Variants in CENPI observed in about 807,000 individuals in gnomAD.
CENPI encodes the protein centromere protein I.
CENPI carries 4 observed loss-of-function variants against 60.4 expected under a neutral mutation model. The observed-to-expected ratio is 0.07, with a 90% CI of 0.03 to 0.15. CENPI has a LOEUF of 0.15. Among genes scored for constraint, CENPI ranks in the 10% least tolerant of loss-of-function variants. CENPI has a pLI of 1.00. For missense variants in CENPI, 444 were observed against 534.5 expected, an observed-to-expected ratio of 0.83 and a Z score of 1.67; for synonymous variants, 157 against 189.4, an observed-to-expected ratio of 0.83 and a Z score of 1.40.
intron 4 of CENPI, 105 bp downstream of exon 4, chrX:101,102,516 C>CACACACACACACACACACACACACACAT (rs778560144): frequency 5.2e-5 from 11 of 210,670 alleles, no homozygotes; most frequent in Non-Finnish European, 8.1e-5. Context: ...CACACACACA[C>CACACACACACACACACACACACACACAT]ATATATATAT....
intron 10 of CENPI, 105 bp from the exon 11 acceptor site, chrX:101,127,393 C>A (rs775940977): frequency 2.1e-6 from 2 of 949,694 alleles, no homozygotes; most frequent in Non-Finnish European, 1.4e-6. Flanking sequence ...TCTGTGTAAG[C>A]CATATTCAGA....
chrX:101,140,047 A>T (rs1377707772), intron 15 of CENPI, among the ~76,000 whole-genome samples: 1 of 110,910 alleles, frequency 9.0e-6, no homozygotes, highest in Non-Finnish European at 1.9e-5. Flanking sequence ...CGCGTTAGCC[A>T]GGATGGTCTC....
intron 8 of CENPI, among the ~76,000 whole-genome samples, chrX:101,123,482 C>T (rs1008097490): frequency 4.5e-5 from 5 of 112,003 alleles, no homozygotes; most frequent in Admixed American, 3.8e-4. Context: ...TGTGTGTATG[C>T]ACTTTGGGCT....
chrX:101,126,318 A>G (rs1180186238), intron 8 of CENPI, among the ~76,000 whole-genome samples: 1 of 112,258 alleles, frequency 8.9e-6, no homozygotes, highest in African/African-American at 3.2e-5. Flanking sequence ...ATAATCAGGT[A>G]TTAGCTTCTC....
intron 15 of CENPI, among the ~76,000 whole-genome samples, chrX:101,132,976 C>T (rs2089810677): frequency 9.0e-6 from 1 of 110,845 alleles, no homozygotes; most frequent in South Asian, 3.8e-4. Flanking sequence ...TCCAAGAAGA[C>T]CAATATGGCT....
intron 13 of CENPI, among the ~76,000 whole-genome samples, chrX:101,130,705 A>G (rs2089787302): frequency 8.9e-6 from 1 of 112,256 alleles, no homozygotes; most frequent in South Asian, 3.7e-4. Flanking sequence ...ACAATCAACA[A>G]ACATTTTTTG....
the CENPI span, among the ~76,000 whole-genome samples, chrX:101,171,816 A>G: frequency 2.7e-5 from 3 of 112,082 alleles, no homozygotes; most frequent in African/African-American, 9.7e-5. Context: ...TATGGCAGCA[A>G]AGGCATACAT....
Position 101,164,020 on chromosome X carries a change from CA to C in CENPI, c.*1070del, listed in dbSNP as rs35365475. ...ACTGCACTCCAGCGAGACTCTGTCT[CA>C]AAAAAAAAAAAAAAAATTACCTCAA... On this transcript the variant is annotated 3_prime_UTR_variant, in exon 22 of 22. Transcript: ENST00000682095. 0.39 allele frequency among the ~76,000 whole-genome samples: 34,132 copies of C among 87,421 alleles called. 5,408 individuals are homozygous for C. Among genetic ancestry groups the C allele is most frequent in the African/African-American group, 0.52 (12,662 of 24,225 alleles). 75.9% of individuals were successfully genotyped at this position (87,421 alleles called of 115,157 possible). A position where few individuals can be genotyped will look rare whatever the true frequency, so the allele number is the denominator to read the frequency against.
At position 101,121,199 on chromosome X, in the gene CENPI, C is replaced by T. The variant is rs917088134; in HGVS notation, c.687+415C>T. ...CCTATCACTCATTATCTTTAAGGAA[C>T]TTATTTTCTGGGGAGCTCAGTGAAC... On this transcript the variant is annotated intron_variant, in intron 8 of 21. Coordinates refer to ENST00000682095, the MANE Select transcript of CENPI (RefSeq NM_001386188.2). Among the ~76,000 whole-genome samples, 24 of 111,275 alleles carry T rather than the reference C, an allele frequency of 2.2e-4. 1 individual carries two copies. Among genetic ancestry groups the T allele is most frequent in the African/African-American group, 7.8e-4 (24 of 30,594 alleles).
At chrX:101,149,546 G>A (rs1248853327) in intron 20 of CENPI, among the ~76,000 whole-genome samples, 2 of 101,960 alleles carry the variant, frequency 2.0e-5, no homozygotes, top group African/African-American at 3.6e-5. Flanking sequence ...TCGCTCTGTC[G>A]CCCAGGCTAG....
At chrX:101,174,965 G>A in the CENPI span, among the ~76,000 whole-genome samples, 1 of 110,689 alleles carries the variant, frequency 9.0e-6, no homozygotes, top group Non-Finnish European at 1.9e-5. Context: ...AAGTTAGCCG[G>A]GCATGGTGGC....
At position 101,102,492 on chromosome X, in the gene CENPI, T is replaced by TACACACACAC. The variant is rs199742109; in HGVS notation, c.364+82_364+83insCACACACACA. ...TTCTTTTAAAAATAAATCTTATATA[T>TACACACACAC]ATATACACACACACACACACACACA... On this transcript the variant is annotated intron_variant, in intron 4 of 21. Coordinates refer to ENST00000682095, the MANE Select transcript of CENPI (RefSeq NM_001386188.2). 1.3e-3 allele frequency: 383 copies of TACACACACAC among 301,242 alleles called. 6 individuals carry two copies. The highest frequency in any genetic ancestry group is 0.011 in the African/African-American group (291 of 25,829). 24.8% of individuals were successfully genotyped at this position (301,242 alleles called of 1,213,427 possible).
chrX:101,179,767 G>A, the CENPI span, among the ~76,000 whole-genome samples: 1 of 112,310 alleles, frequency 8.9e-6, no homozygotes, highest in Non-Finnish European at 1.9e-5. Context: ...TGATCTGCCC[G>A]CCTCGGCCTC....
In CENPI at chrX:101,119,826, A is replaced by C. The variant is rs190669719; in HGVS notation, c.592-576A>C. On this transcript the variant is annotated intron_variant, in intron 6 of 21. Coordinates refer to ENST00000682095, the MANE Select transcript of CENPI (RefSeq NM_001386188.2). ...AAACAACATGGGAAAATGGTTTTAA[A>C]TAGGAAATCAGGATAAAAGTTTCAA... Among the ~76,000 whole-genome samples the C allele has an allele frequency of 2.6e-3, 288 of 111,947 alleles. 5 individuals carry two copies. The highest frequency in any genetic ancestry group is 8.7e-3 in the African/African-American group (269 of 30,834).
intron 11 of CENPI, 86 bp from the exon 12 acceptor site, chrX:101,128,630 T>C: frequency 9.9e-7 from 1 of 1,011,836 alleles, no homozygotes; most frequent in Non-Finnish European, 1.4e-6. Flanking sequence ...ATGCCCAGCC[T>C]ATTTTTGTTA....
At chrX:101,160,095 C>A (rs965510398) in intron 20 of CENPI, among the ~76,000 whole-genome samples, 14 of 112,151 alleles carry the variant, frequency 1.2e-4, no homozygotes, top group Non-Finnish European at 1.9e-4. Flanking sequence ...TCGTTGTGAT[C>A]ATTGTCAGTC....
chrX:101,181,770 T>C, the CENPI span, among the ~76,000 whole-genome samples: 1 of 112,023 alleles, frequency 8.9e-6, no homozygotes, highest in African/African-American at 3.2e-5. Flanking sequence ...GAATGTCTTT[T>C]ATTTCATTTT....
rs776207901 is a variant in CENPI, at chrX:101,102,490, T to TACACACACAC, written c.364+80_364+81insCACACACACA. ...TTTTCTTTTAAAAATAAATCTTATA[T>TACACACACAC]ATATATACACACACACACACACACA... On this transcript the variant is annotated intron_variant, in intron 4 of 21. Transcript: ENST00000682095. The TACACACACAC allele has an allele frequency of 5.7e-3, 1,662 of 292,071 alleles. 26 individuals are homozygous for TACACACACAC. The highest frequency in any genetic ancestry group is 0.014 in the Admixed American group (250 of 17,560). 24.1% of individuals were successfully genotyped at this position (292,071 alleles called of 1,213,427 possible).
intron 20 of CENPI, among the ~76,000 whole-genome samples, chrX:101,148,406 A>G (rs1343006396): frequency 1.8e-5 from 2 of 111,920 alleles, no homozygotes; most frequent in Non-Finnish European, 3.8e-5. Flanking sequence ...ACTATAATAC[A>G]GTGTGGCAAA....
Sources: gnomAD v4.1 joint callset for allele counts (sites outside exome capture counted in the v4.1 genomes callset) on GRCh38, gnomAD v4.1.1 for gene constraint, MANE v1.5 for transcripts, NCBI Gene and HGNC (gene_info 2026-07-23, HGNC 2026-07-21) for gene names.